Variants in PCYT1B observed in about 807,000 individuals in gnomAD.
PCYT1B encodes phosphate cytidylyltransferase 1B, choline.
In PCYT1B, 10 loss-of-function variants were observed where a neutral mutation model predicts 26.4. The observed-to-expected ratio is 0.38, with a 90% CI of 0.23 to 0.64. PCYT1B has a LOEUF of 0.64. Among genes scored for constraint, PCYT1B ranks in the 30% least tolerant of loss-of-function variants. The pLI, the probability that PCYT1B is intolerant of heterozygous loss-of-function variation, is 0.56. For missense variants in PCYT1B, 161 were observed against 292.7 expected (o/e 0.55, Z 3.28); for synonymous variants, 131 against 108.4 (o/e 1.21, Z -1.29).
intron 1 of PCYT1B, among the ~76,000 whole-genome samples, chrX:24,655,342 C>T (rs778016331): frequency 8.9e-6 from 1 of 112,500 alleles, no homozygotes; most frequent in Non-Finnish European, 1.9e-5. Context: ...CAGATCTCAT[C>T]ATCTAATATA....
chrX:24,613,492 A>G (rs1403474166), intron 2 of PCYT1B, among the ~76,000 whole-genome samples: 1 of 112,186 alleles, frequency 8.9e-6, no homozygotes, highest in Non-Finnish European at 1.9e-5. Context: ...GTAAAGAAAA[A>G]TTATTAAGTA....
intron 6 of PCYT1B, among the ~76,000 whole-genome samples, chrX:24,577,381 G>A (rs1485189505): frequency 8.9e-6 from 1 of 112,222 alleles, no homozygotes; most frequent in Non-Finnish European, 1.9e-5. Flanking sequence ...AATAACTTTT[G>A]AAAATGGCTT....
intron 1 of PCYT1B, among the ~76,000 whole-genome samples, chrX:24,655,737 T>C (rs1231009848): frequency 2.7e-5 from 3 of 110,448 alleles, no homozygotes; most frequent in African/African-American, 9.9e-5. Flanking sequence ...TGAGCCAAGA[T>C]TGTGCTATTG....
intron 1 of PCYT1B, among the ~76,000 whole-genome samples, chrX:24,623,687 G>T (rs990679369): frequency 5.4e-5 from 6 of 111,438 alleles, no homozygotes; most frequent in Admixed American, 4.8e-4. Context: ...GGCTTTTAAA[G>T]AAGACATTAT....
intron 1 of PCYT1B, among the ~76,000 whole-genome samples, chrX:24,671,465 T>C (rs1447056261): frequency 9.0e-6 from 1 of 110,598 alleles, no homozygotes; most frequent in African/African-American, 3.3e-5. Flanking sequence ...AACATGGAGG[T>C]GACTGGGGAA....
At position 24,619,280 on chromosome X, in the gene PCYT1B, C is replaced by T; in HGVS notation, c.118-196G>A. On this transcript the variant is annotated intron_variant, in intron 1 of 7. Coordinates refer to ENST00000379144, the MANE Select transcript of PCYT1B (RefSeq NM_004845.5). ...CTGAAACCTTTTGGTTTGTTTTTTA[C>T]TGATGCTTCAGAAATAACAAAAGCT... 3 of 421,525 alleles carry T rather than the reference C, an allele frequency of 7.1e-6. No homozygotes were observed. The South Asian group carries it at 1.1e-4, about 15-fold the overall frequency. The allele number at this position is 421,525 out of a possible 1,213,427, so 34.7% of individuals were successfully genotyped here. A position where few individuals can be genotyped will look rare whatever the true frequency, so the allele number is the denominator to read the frequency against.
rs1339162647 is a variant in PCYT1B at position 24,604,177 on chromosome X, C to T, written c.334+3568G>A. ...TCTCGGCTCACTGCAACCTCCGCCT[C>T]CCAGGTTCAAGCAATCCTCCTGCCT... On this transcript the variant is annotated intron_variant, in intron 3 of 7. Coordinates refer to ENST00000379144, the MANE Select transcript of PCYT1B (RefSeq NM_004845.5). 3.9e-4 allele frequency among the ~76,000 whole-genome samples: 43 copies of T among 109,772 alleles called. 2 individuals are homozygous for T. The highest frequency in any genetic ancestry group is 5.7e-5 in the Non-Finnish European group (3 of 52,681).
chrX:24,586,967 C>T (rs993866514), intron 5 of PCYT1B, among the ~76,000 whole-genome samples: 3 of 111,952 alleles, frequency 2.7e-5, no homozygotes, highest in Non-Finnish European at 3.8e-5. Flanking sequence ...GGGTCCTGCA[C>T]TTTTCGTCTG....
At chrX:24,671,992 T>A (rs1927264919) in intron 1 of PCYT1B, among the ~76,000 whole-genome samples, 1 of 111,846 alleles carries the variant, frequency 8.9e-6, no homozygotes, top group South Asian at 3.8e-4. Context: ...TGAAACCTTG[T>A]CTCTATTAAA....
At chrX:24,568,242 T>C (rs959936237) in intron 7 of PCYT1B, among the ~76,000 whole-genome samples, 2 of 111,554 alleles carry the variant, frequency 1.8e-5, no homozygotes, top group Non-Finnish European at 3.8e-5. Flanking sequence ...GGCGTTGAAG[T>C]GTGAGCCAGT....
intron 7 of PCYT1B, among the ~76,000 whole-genome samples, chrX:24,564,478 C>A (rs4243532): frequency 9.4e-6 from 1 of 106,897 alleles, no homozygotes; most frequent in Non-Finnish European, 1.9e-5. Context: ...TCAGCCTCCC[C>A]AGTAGCTGGG....
intron 1 of PCYT1B, among the ~76,000 whole-genome samples, chrX:24,668,005 A>G (rs1481921435): frequency 8.9e-6 from 1 of 112,295 alleles, no homozygotes; most frequent in Non-Finnish European, 1.9e-5. Context: ...CATGGCATTA[A>G]TGTTTGCTAT....
At chrX:24,638,576 C>T (rs1926368555) in intron 1 of PCYT1B, among the ~76,000 whole-genome samples, 1 of 112,067 alleles carries the variant, frequency 8.9e-6, no homozygotes, top group South Asian at 3.7e-4. Flanking sequence ...TTTGTTTCTA[C>T]CTTCCTTGCT....
At chrX:24,658,253 T>C (rs750459345) in intron 1 of PCYT1B, 7 of 112,403 alleles carry the variant, frequency 6.2e-5, no homozygotes, top group Non-Finnish European at 1.3e-4. Flanking sequence ...AGTGATTCTT[T>C]GTCTTGCAAA....
chrX:24,622,917 C>G (rs1303811961), intron 1 of PCYT1B, among the ~76,000 whole-genome samples: 1 of 112,145 alleles, frequency 8.9e-6, no homozygotes, highest in African/African-American at 3.2e-5. Context: ...AAGCATGTAA[C>G]CATATTTTTG....
Position 24,593,445 on chromosome X carries a change from CTTTTCTTTTCTTTTCT to C in PCYT1B, c.335-3287_335-3272del, listed in dbSNP as rs1434969013. ...CTTTCTTTCTTTCCTTTCTTTCTTTCTTTTCTTTTCTTTTCTTTTCTTTTCTTTTCTTTTCTTTTCT... is the reference window on the plus strand; with the variant it reads ...CTTTCTTTCTTTCCTTTCTTTCTTTCTTTCTTTTCTTTTCTTTTCTTTTCT... On this transcript the variant is annotated intron_variant, in intron 3 of 7. Coordinates refer to ENST00000379144, the MANE Select transcript of PCYT1B (RefSeq NM_004845.5). 1.4e-3 allele frequency among the ~76,000 whole-genome samples: 22 copies of C among 15,654 alleles called. 1 individual carries two copies. The highest frequency in any genetic ancestry group is 5.5e-3 in the Admixed American group (4 of 730). The allele number at this position is 15,654 out of a possible 115,157, so 13.6% of individuals were successfully genotyped here. A position where few individuals can be genotyped will look rare whatever the true frequency, so the allele number is the denominator to read the frequency against.
chrX:24,571,598 G>A (rs765117276), intron 7 of PCYT1B, among the ~76,000 whole-genome samples: 1 of 109,886 alleles, frequency 9.1e-6, no homozygotes, highest in African/African-American at 3.3e-5. Flanking sequence ...TCAAATATGA[G>A]GTCACTTGGG....
intron 1 of PCYT1B, among the ~76,000 whole-genome samples, chrX:24,670,278 T>C (rs1413682182): frequency 8.9e-6 from 1 of 112,054 alleles, no homozygotes; most frequent in African/African-American, 3.2e-5. Flanking sequence ...ATGTGGAAAA[T>C]AAATACTCAA....
At chrX:24,599,290 G>A (rs2148240921) in intron 3 of PCYT1B, among the ~76,000 whole-genome samples, 1 of 111,568 alleles carries the variant, frequency 9.0e-6, no homozygotes, top group African/African-American at 3.2e-5. Context: ...ACTTTTGATG[G>A]CAATAATAAT....
Sources: allele counts gnomAD v4.1 joint callset (sites outside exome capture counted in the v4.1 genomes callset), GRCh38; gene constraint gnomAD v4.1.1; transcripts MANE v1.5; gene names NCBI Gene and HGNC (gene_info 2026-07-23, HGNC 2026-07-21).